The following FAM199X variants were observed in gnomAD, a reference collection of about 807,000 sequenced individuals.
FAM199X encodes the protein family with sequence similarity 199, X-linked.
In FAM199X, 4 loss-of-function variants were observed where a neutral mutation model predicts 22.9. The ratio of observed to expected loss-of-function variants is 0.17; its 90% confidence interval spans 0.09 to 0.40. The LOEUF (loss-of-function observed/expected upper bound fraction) is 0.40. Ranked by LOEUF, FAM199X falls within the 10% of genes least tolerant of loss-of-function variation. FAM199X has a pLI of 1.00. For synonymous variants in FAM199X, 101 were observed against 112.3 expected, an observed-to-expected ratio of 0.90 and a Z score of 0.64; for missense variants, 183 against 306.8, an observed-to-expected ratio of 0.60 and a Z score of 3.01.
intron 2 of FAM199X, among the ~76,000 whole-genome samples, chrX:104,182,972 G>A (rs1292323642): frequency 2.7e-5 from 3 of 110,791 alleles, no homozygotes; most frequent in Non-Finnish European, 5.7e-5. Flanking sequence ...CTAGTGAGCA[G>A]TGGAGCTGGG....
At chrX:104,159,532 C>T in the FAM199X span, among the ~76,000 whole-genome samples, 2 of 112,651 alleles carry the variant, frequency 1.8e-5, no homozygotes, top group African/African-American at 3.2e-5. Context: ...CAATGCTCTA[C>T]GTACATAATT....
Position 104,188,232 on chromosome X carries a change from A to G in FAM199X, c.922A>G (p.Ser308Gly). 8.2e-7 allele frequency: 1 copy of G among 1,212,347 alleles called. No individual in the cohort carries two copies. Among genetic ancestry groups the G allele is most frequent in the Non-Finnish European group, 1.1e-6 (1 of 895,570 alleles). ...TGTTGGAAACTCTGCTTCAAACTCC[A>G]GTGCCAACATGAGTCGAGCACACAG... ...SSVGNSASNSSANMSRAHSDS... is the reference protein window; with the variant it reads ...SSVGNSASNSGANMSRAHSDS... The change falls in exon 5 of 6, where the codon AGT becomes GGT. Residue 308 changes from serine to glycine, a missense_variant. Physicochemically the swap from Ser to Gly is moderately conservative, Grantham distance 56. This residue lies in a region of FAM199X where 128 missense variants were observed against 246.2 expected (regional missense o/e 0.52). Transcript: ENST00000493442.
the FAM199X span, among the ~76,000 whole-genome samples, chrX:104,158,895 C>G: frequency 8.9e-6 from 1 of 111,899 alleles, no homozygotes; most frequent in Non-Finnish European, 1.9e-5. Flanking sequence ...ATTTCAGAAC[C>G]CATCACTCCA....
intron 2 of FAM199X, 149 bp downstream of exon 2, chrX:104,175,991 T>G (rs182492263): frequency 1.7e-4 from 69 of 411,100 alleles, no homozygotes; most frequent in Non-Finnish European, 1.1e-4. Context: ...AGGTTAAGAA[T>G]TGGATGGGAT....
At chrX:104,159,317 C>G in the FAM199X span, among the ~76,000 whole-genome samples, 1 of 112,238 alleles carries the variant, frequency 8.9e-6, no homozygotes, top group Admixed American at 9.4e-5. Flanking sequence ...TATCCCCATT[C>G]CAGAGACTTC....
intron 2 of FAM199X, 125 bp from the exon 3 acceptor site, chrX:104,185,941 C>T (rs1270754983): frequency 1.5e-6 from 1 of 687,689 alleles, no homozygotes; most frequent in Non-Finnish European, 2.1e-6. Context: ...CCTCTTAGCA[C>T]AGCCAGCAGC....
intron 2 of FAM199X, among the ~76,000 whole-genome samples, chrX:104,183,013 C>T (rs1556378246): frequency 9.1e-6 from 1 of 110,293 alleles, no homozygotes; most frequent in Non-Finnish European, 1.9e-5. Flanking sequence ...TTACTTATCC[C>T]TGAAAAAAAA....
At chrX:104,183,882 G>A (rs5962544) in intron 2 of FAM199X, among the ~76,000 whole-genome samples, 5,194 of 111,861 alleles carry the variant, frequency 0.046, 265 homozygotes, top group African/African-American at 0.16. Context: ...ACTTATGGGG[G>A]TGTAGAAAGA....
At position 104,166,708 on chromosome X, in the gene FAM199X, A is replaced by G; in HGVS notation, c.-78A>G. 4 of 927,684 alleles carry G rather than the reference A, an allele frequency of 4.3e-6. No individual in the cohort carries two copies. The highest frequency in any genetic ancestry group is 2.5e-5 in the South Asian group (1 of 39,303). The allele number at this position is 927,684 out of a possible 1,213,427, so 76.5% of individuals were successfully genotyped here. On this transcript the variant is annotated 5_prime_UTR_variant, in exon 1 of 6. Coordinates refer to ENST00000493442, the MANE Select transcript of FAM199X (RefSeq NM_207318.4). Reference sequence around the variant, plus strand: ...CCCCGGAGCGTCGGCGACTGCGGACAGGTTAGAGTGGGGGCAGGGGCGGGC... The same window carrying G: ...CCCCGGAGCGTCGGCGACTGCGGACGGGTTAGAGTGGGGGCAGGGGCGGGC...
intron 2 of FAM199X, among the ~76,000 whole-genome samples, chrX:104,185,544 G>C (rs1295971225): frequency 8.9e-6 from 1 of 112,065 alleles, no homozygotes; most frequent in Non-Finnish European, 1.9e-5. Context: ...TTATGTTGCT[G>C]CTTTGTATAA....
chrX:104,165,961 G>A (rs182829877), upstream of FAM199X, among the ~76,000 whole-genome samples: 7 of 111,709 alleles, frequency 6.3e-5, no homozygotes, highest in Admixed American at 5.7e-4. Context: ...AGAGTACGAC[G>A]TGTCCAGCAG....
At chrX:104,166,443 A>C (rs782307798), upstream of FAM199X, among the ~76,000 whole-genome samples, 5 of 110,903 alleles carry the variant, frequency 4.5e-5, no homozygotes, top group Non-Finnish European at 9.5e-5. Flanking sequence ...GGCGCCGGGC[A>C]GACTGCTGCA....
At chrX:104,174,157 C>T (rs1231100603) in intron 1 of FAM199X, among the ~76,000 whole-genome samples, 1 of 110,050 alleles carries the variant, frequency 9.1e-6, no homozygotes, top group African/African-American at 3.3e-5. Context: ...GTGGTCCCAG[C>T]TACTTGGGAG....
chrX:104,195,159 G>C lies in FAM199X; in HGVS notation c.*5381G>C, dbSNP rs1322218979. 1 of 106,216 alleles carries C rather than the reference G, an allele frequency of 9.4e-6. No homozygotes were observed. Among genetic ancestry groups the C allele is most frequent in the Non-Finnish European group, 1.9e-5 (1 of 52,826 alleles). The allele number at this position is 106,216 out of a possible 1,213,427, so 8.8% of individuals were successfully genotyped here. ...AGCTGTCTTTTGAAACTGAATACCA[G>C]AATGAAAAGTGTTGTTTTGGTTAAG... On this transcript the variant is annotated 3_prime_UTR_variant, in exon 6 of 6. Coordinates refer to ENST00000493442, the MANE Select transcript of FAM199X (RefSeq NM_207318.4).
At chrX:104,179,976 CTT>C (rs1162038054) in intron 2 of FAM199X, among the ~76,000 whole-genome samples, 8 of 86,094 alleles carry the variant, frequency 9.3e-5, no homozygotes, top group Admixed American at 2.6e-4. Flanking sequence ...TGAATTTTTC[CTT>C]TTTTTTTTTT....
intron 2 of FAM199X, among the ~76,000 whole-genome samples, chrX:104,182,080 A>G (rs900074676): frequency 2.0e-5 from 2 of 101,666 alleles, no homozygotes; most frequent in African/African-American, 7.4e-5. Context: ...CCTCTGCCTC[A>G]TGGGTTCAAG....
rs1556375625 is a variant in FAM199X at position 104,172,721 on chromosome X, A to AAATGC, written c.198-2902_198-2901insAATGC. Among the ~76,000 whole-genome samples the AAATGC allele has an allele frequency of 1.7e-4, 19 of 109,163 alleles. No homozygotes were observed. In the Admixed American group the frequency reaches 1.9e-3, roughly 11 times the overall value. 94.8% of individuals were successfully genotyped at this position (109,163 alleles called of 115,157 possible). ...CTTTTTTTTTTTTTTAAGGAATGTC[A>AAATGC]CTATTACTCATGGAGAGAAACACAT... On this transcript the variant is annotated intron_variant, in intron 1 of 5. Coordinates refer to ENST00000493442, the MANE Select transcript of FAM199X (RefSeq NM_207318.4).
At position 104,189,528 on chromosome X, in the gene FAM199X, A is replaced by G; in HGVS notation, c.997-80A>G. ...AACAGCTCTTAAAGTTAGAAAATAG[A>G]GAATTTGATCCACAAAACATTTTGG... On this transcript the variant is annotated intron_variant, in intron 5 of 5. Coordinates refer to ENST00000493442, the MANE Select transcript of FAM199X (RefSeq NM_207318.4). The G allele has an allele frequency of 4.1e-6, 4 of 984,830 alleles. No homozygotes were observed. The South Asian group carries it at 7.8e-5, about 19-fold the overall frequency. 81.2% of individuals were successfully genotyped at this position (984,830 alleles called of 1,213,427 possible). A position where few individuals can be genotyped will look rare whatever the true frequency, so the allele number is the denominator to read the frequency against.
At chrX:104,166,171 T>C (rs113175842), upstream of FAM199X, among the ~76,000 whole-genome samples, 5,275 of 112,789 alleles carry the variant, frequency 0.047, 267 homozygotes, top group African/African-American at 0.16. Context: ...CATCTGGATG[T>C]TTTCTCACGC....
Sources: gnomAD v4.1 joint callset for allele counts (sites outside exome capture counted in the v4.1 genomes callset) on GRCh38, gnomAD v4.1.1 for gene constraint, gnomAD v4.1.1 regional missense constraint, MANE v1.5 for transcripts, NCBI Gene and HGNC (gene_info 2026-07-23, HGNC 2026-07-21) for gene names.